Variants in HECTD4 observed in about 807,000 individuals in gnomAD.
HECTD4 encodes the protein probable E3 ubiquitin-protein ligase HECTD4.
Under a neutral mutation model 471.5 loss-of-function variants are expected in HECTD4, and 114 were observed. The ratio of observed to expected loss-of-function variants is 0.24; its 90% CI spans 0.21 to 0.28. HECTD4 has a LOEUF of 0.28. Among genes scored for constraint, HECTD4 ranks in the 10% least tolerant of loss-of-function variants. The pLI is 1.00. For synonymous variants in HECTD4, 2,012 were observed against 2,256.0 expected, an observed-to-expected ratio of 0.89 and a Z score of 3.07; for missense variants, 3,866 against 5,651.5, an observed-to-expected ratio of 0.68 and a Z score of 10.13.
Position 112,274,858 on chromosome 12 carries a change from A to G in HECTD4, c.1790T>C (p.Val597Ala), listed in dbSNP as rs982142927. ...AGTTTATTTCTTACCCAATCCTGGT[A>G]CGAGAGCACCACGCCCCAGTGAGCT... The part of the protein sequence containing the change: ...AGSSLGRGAL[V>A]PGLGACYDTV... Residue 597 changes from valine (V) to alanine (A), a missense_variant, in exon 10 of 76, where the codon GTA becomes GCA. Around this residue, in one of 16 missense-constraint regions of HECTD4, gnomAD observed 525 missense variants for 672.6 expected, o/e 0.78. Coordinates refer to ENST00000682272, the MANE Select transcript of HECTD4 (RefSeq NM_001388303.1). 1.3e-6 allele frequency: 2 copies of G among 1,542,558 alleles called. No homozygotes were observed. Among genetic ancestry groups the G allele is most frequent in the Admixed American group, 2.0e-5 (1 of 50,952 alleles).
At chr12:112,208,428 T>C in intron 51 of HECTD4, 66 bp downstream of exon 51, 4 of 1,451,864 alleles carry the variant, frequency 2.8e-6, no homozygotes, top group Non-Finnish European at 3.7e-6. Flanking sequence ...CCTCCAGGCT[T>C]GTCCTAGTCA....
chr12:112,256,571 CA>C, intron 20 of HECTD4, 53 bp from the exon 21 acceptor site: 1 of 1,261,732 alleles, frequency 7.9e-7, no homozygotes. Context: ...AAAGGAAAAA[CA>C]ATGTAAACAT....
chr12:112,223,459 T>G (rs7956202), intron 44 of HECTD4, among the ~76,000 whole-genome samples: 52,725 of 151,974 alleles, frequency 0.35, 13,256 homozygotes, highest in East Asian at 0.85. Flanking sequence ...TTGCTCTGTC[T>G]CCCAGGCTGG....
At chr12:112,272,565 C>T (rs1033183396) in intron 11 of HECTD4, among the ~76,000 whole-genome samples, 2 of 152,126 alleles carry the variant, frequency 1.3e-5, no homozygotes, top group Non-Finnish European at 2.9e-5. Context: ...TCTGTTGGGC[C>T]CTCTCACATC....
In HECTD4 at chr12:112,269,780, G is replaced by A. The variant is rs771828579; in HGVS notation, c.2245C>T (p.Leu749Phe). The A allele has an allele frequency of 6.2e-7, 1 of 1,613,970 alleles. No homozygotes were observed. Residue 749 changes from leucine (L) to phenylalanine (F), a missense_variant, in exon 13 of 76, where the codon CTT becomes TTT. Leu to Phe is a conservative substitution (Grantham distance 22). Around this residue, in one of 16 missense-constraint regions of HECTD4, gnomAD observed 525 missense variants for 672.6 expected, o/e 0.78. Coordinates refer to ENST00000682272, the MANE Select transcript of HECTD4 (RefSeq NM_001388303.1). ...GGAGCCATCAACAACTGCCAAAGAA[G>A]CAATCCCGACCGTCGAATGATGTCT... The part of the protein sequence containing the change: ...NRDIIRRSGL[L>F]LWQLLMAPKD...
chr12:112,331,870 C>T (rs2035849132), intron 1 of HECTD4, among the ~76,000 whole-genome samples: 1 of 152,136 alleles, frequency 6.6e-6, no homozygotes, highest in African/African-American at 2.4e-5. Context: ...AGGTAATAAT[C>T]CCATTTATAT....
intron 43 of HECTD4, 110 bp downstream of exon 43, chr12:112,227,979 C>T (rs2033284536): frequency 1.0e-6 from 1 of 969,090 alleles, no homozygotes; most frequent in Non-Finnish European, 1.5e-6. Context: ...TTAGTGTGAG[C>T]TTCAAGCTGT....
At chr12:112,266,410 A>G (rs920134889) in intron 14 of HECTD4, among the ~76,000 whole-genome samples, 7 of 152,258 alleles carry the variant, frequency 4.6e-5, no homozygotes, top group African/African-American at 1.7e-4. Flanking sequence ...GAAAGTTTAT[A>G]AAGCTTGCAG....
intron 64 of HECTD4, 149 bp downstream of exon 64, chr12:112,178,782 G>A (rs1236705191): frequency 7.8e-6 from 7 of 896,106 alleles, no homozygotes; most frequent in African/African-American, 5.1e-5. Flanking sequence ...TGATCGGGCC[G>A]CTGCACTCCA....
At chr12:112,292,959 T>C (rs1594016919) in intron 7 of HECTD4, among the ~76,000 whole-genome samples, 1 of 150,592 alleles carries the variant, frequency 6.6e-6, no homozygotes, top group Non-Finnish European at 1.5e-5. Context: ...GAGGCGGAGG[T>C]TGCAGTGAGC....
At position 112,309,610 on chromosome 12, in the gene HECTD4, C is replaced by A; in HGVS notation, c.976G>T (p.Val326Phe). Residue 326 changes from valine (V) to phenylalanine (F), a missense_variant, in exon 5 of 76, where the codon GTT (valine) becomes TTT (phenylalanine). Physicochemically the swap from Val to Phe is conservative, Grantham distance 50. Transcript: ENST00000682272. ...DGLYLYTTNSVGRGVSKLGSG... is the reference protein window; with the variant it reads ...DGLYLYTTNSFGRGVSKLGSG... ...CCCAATTTGCTTACTCCTCTTCCAACTGAGTTAGTAGTATACAGGTAAAGA... is the reference window on the plus strand; with the variant it reads ...CCCAATTTGCTTACTCCTCTTCCAAATGAGTTAGTAGTATACAGGTAAAGA... 1 of 1,535,574 alleles carries A rather than the reference C, an allele frequency of 6.5e-7. No homozygotes were observed. Among genetic ancestry groups the A allele is most frequent in the Non-Finnish European group, 8.7e-7 (1 of 1,145,586 alleles).
intron 9 of HECTD4, among the ~76,000 whole-genome samples, chr12:112,277,708 C>A (rs1008437016): frequency 1.3e-5 from 2 of 152,216 alleles, no homozygotes; most frequent in African/African-American, 4.8e-5. Context: ...AGAGAATACT[C>A]TCCATCTCTT....
chr12:112,357,978 G>A (rs932619118), intron 1 of HECTD4, among the ~76,000 whole-genome samples: 4 of 152,126 alleles, frequency 2.6e-5, no homozygotes, highest in Admixed American at 1.3e-4. Context: ...CGAGGCAGGC[G>A]GATCACTTGA....
At chr12:112,274,998 A>T (rs1052197399) in intron 9 of HECTD4, 38 bp from the exon 10 acceptor site, 1 of 1,210,424 alleles carries the variant, frequency 8.3e-7, no homozygotes, top group South Asian at 1.4e-5. Flanking sequence ...ATGAGCCTGA[A>T]GATTATTTTT....
chr12:112,176,772 T>G, intron 64 of HECTD4, 70 bp from the exon 65 acceptor site: 1 of 1,144,728 alleles, frequency 8.7e-7, no homozygotes, highest in Non-Finnish European at 1.3e-6. Flanking sequence ...ATACACAGCC[T>G]CATAGTCATT....
chr12:112,170,770 A>G (rs1162814566), intron 68 of HECTD4: 5 of 449,750 alleles, frequency 1.1e-5, no homozygotes, highest in African/African-American at 9.7e-5. Context: ...TTTATATGTC[A>G]AGAGAAAAGT....
chr12:112,193,792 G>T lies in HECTD4; in HGVS notation c.8750-118C>A. 1.2e-6 allele frequency: 1 copy of T among 846,318 alleles called. No individual in the cohort carries two copies. The highest frequency in any genetic ancestry group is 1.9e-6 in the Non-Finnish European group (1 of 526,606). 52.4% of individuals were successfully genotyped at this position (846,318 alleles called of 1,614,324 possible). A position where few individuals can be genotyped will look rare whatever the true frequency, so the allele number is the denominator to read the frequency against. ...AACCCCAGATGGGAGGGTTATCCTGGATATGATGTCCTGGATAACAGATGC... is the reference window on the plus strand; with the variant it reads ...AACCCCAGATGGGAGGGTTATCCTGTATATGATGTCCTGGATAACAGATGC... On this transcript the variant is annotated intron_variant, in intron 56 of 75. Coordinates refer to ENST00000682272, the MANE Select transcript of HECTD4 (RefSeq NM_001388303.1). This position sits in a 1 kb window ranked among gnomAD's most constrained non-coding sequence, Gnocchi z 5.2.
At position 112,172,254 on chromosome 12, in the gene HECTD4, C is replaced by T. The variant is rs16941897; in HGVS notation, c.11785+417G>A. Among the ~76,000 whole-genome samples, 915 of 152,338 alleles carry T rather than the reference C, an allele frequency of 6.0e-3. 12 individuals carry two copies. The highest frequency in any genetic ancestry group is 0.021 in the African/African-American group (873 of 41,570). On this transcript the variant is annotated intron_variant, in intron 67 of 75. Transcript: ENST00000682272. ...ACACAGGGGCACCTGAATGGGCCTT[C>T]CTGCAATCCTAGCTTTTAACAAAAA... is the stretch of plus-strand genomic sequence containing the variant.
rs371115604 is a variant in HECTD4 at position 112,164,233 on chromosome 12, C to T, written c.12577G>A (p.Ala4193Thr). 17 of 1,613,626 alleles carry T rather than the reference C, an allele frequency of 1.1e-5. 1 individual carries two copies. Among genetic ancestry groups the T allele is most frequent in the East Asian group, 8.9e-5 (4 of 44,874 alleles). The change falls in exon 73 of 76, where the codon GCC becomes ACC. Residue 4193 changes from alanine to threonine, a missense_variant. Ala to Thr is a moderately conservative substitution (Grantham distance 58). Around this residue, in one of 16 missense-constraint regions of HECTD4, gnomAD observed 715 missense variants for 1,087.6 expected, o/e 0.66. Transcript: ENST00000682272. Reference sequence around the variant, plus strand: ...CTCTCCGTGGCCAGGTGCTGGGAGGCGATCTCAGCGCACAGGGCCTCCAGC... The same window carrying T: ...CTCTCCGTGGCCAGGTGCTGGGAGGTGATCTCAGCGCACAGGGCCTCCAGC... ...TELEALCAEI[A>T]SQHLATESPD...
Sources: gnomAD v4.1 joint callset for allele counts (sites outside exome capture counted in the v4.1 genomes callset) on GRCh38, gnomAD v4.1.1 for gene constraint, gnomAD v4.1.1 regional missense constraint, Gnocchi (gnomAD v3.1) non-coding constraint, MANE v1.5 for transcripts, NCBI Gene and HGNC (gene_info 2026-07-23, HGNC 2026-07-21) for gene names.